CDH18: variants seen among roughly 807,000 people sequenced by gnomAD.
CDH18 encodes the protein cadherin 18, also known as cadherin-18.
CDH18 carries 31 observed loss-of-function variants against 67.9 expected under a neutral mutation model. The ratio of observed to expected loss-of-function variants is 0.46; its 90% confidence interval spans 0.34 to 0.62. CDH18 has a LOEUF of 0.62. Among genes scored for constraint, CDH18 ranks in the 20% least tolerant of loss-of-function variants. The pLI, the probability that CDH18 is intolerant of heterozygous loss-of-function variation, is 0.01. For missense variants in CDH18, 890 were observed against 975.5 expected, an observed-to-expected ratio of 0.91 and a Z score of 1.17; for synonymous variants, 362 against 347.2, an observed-to-expected ratio of 1.04 and a Z score of -0.48.
chr5:20,239,479 T>G (rs547642226), intron 2 of CDH18, among the ~76,000 whole-genome samples: 8 of 151,726 alleles, frequency 5.3e-5, no homozygotes, highest in Non-Finnish European at 5.9e-5. Flanking sequence ...ATTAAATAAA[T>G]AAAGAAGTTC....
intron 3 of CDH18, among the ~76,000 whole-genome samples, chr5:19,831,833 G>A (rs888315229): frequency 1.3e-5 from 2 of 152,006 alleles, no homozygotes; most frequent in African/African-American, 4.8e-5. Context: ...ATTCACAGTA[G>A]CAAAGACATG....
At chr5:20,518,963 GT>G (rs1755548014) in intron 1 of CDH18, among the ~76,000 whole-genome samples, 1 of 152,134 alleles carries the variant, frequency 6.6e-6, no homozygotes, top group African/African-American at 2.4e-5. Context: ...ACAGTTTAAA[GT>G]AGCATGGATA....
At chr5:19,543,838 A>C (rs1435270070) in intron 9 of CDH18, 31 bp downstream of exon 9, 14 of 1,496,632 alleles carry the variant, frequency 9.4e-6, no homozygotes, top group Non-Finnish European at 1.3e-5. Flanking sequence ...TACAAGTGAC[A>C]TCTTTTACTG....
At chr5:20,155,055 T>G (rs1272832983) in intron 2 of CDH18, among the ~76,000 whole-genome samples, 1 of 152,166 alleles carries the variant, frequency 6.6e-6, no homozygotes, top group Non-Finnish European at 1.5e-5. Context: ...GATGAGTTGA[T>G]TACCATAAGA....
At chr5:20,102,599 G>C (rs922500314) in intron 2 of CDH18, among the ~76,000 whole-genome samples, 64 of 152,204 alleles carry the variant, frequency 4.2e-4, no homozygotes, top group African/African-American at 1.4e-3. Context: ...CTGCGCAGAA[G>C]CTGGATCTGA....
At chr5:20,076,217 C>T (rs1743921083) in intron 2 of CDH18, among the ~76,000 whole-genome samples, 1 of 151,668 alleles carries the variant, frequency 6.6e-6, no homozygotes, top group Admixed American at 6.6e-5. Context: ...TAACACATAT[C>T]AGGTATATAG....
intron 5 of CDH18, among the ~76,000 whole-genome samples, chr5:19,625,248 C>T (rs1751356086): frequency 6.6e-6 from 1 of 151,938 alleles, no homozygotes; most frequent in Admixed American, 6.6e-5. Flanking sequence ...AATTCTACTG[C>T]CTTGTTTTGT....
chr5:20,374,021 A>C (rs901746193), intron 1 of CDH18, among the ~76,000 whole-genome samples: 2 of 152,102 alleles, frequency 1.3e-5, no homozygotes, highest in Non-Finnish European at 2.9e-5. Flanking sequence ...ACAGAACATA[A>C]CCCTACTCAT....
intron 2 of CDH18, among the ~76,000 whole-genome samples, chr5:20,196,490 C>A (rs1266450975): frequency 6.6e-6 from 1 of 152,156 alleles, no homozygotes; most frequent in Non-Finnish European, 1.5e-5. Context: ...TCTGCTTTAT[C>A]TTTCAAAAGT....
rs149664281 is a variant in CDH18 at position 20,276,266 on chromosome 5, C to G, written c.-579-20761G>C. ...ATCCCAGGGAGCGCAGCTCACAGCT[C>G]CAGGAGAGACTCCTCCCTTCAACTG... On this transcript the variant is annotated intron_variant, in intron 1 of 14. Transcript: ENST00000507958. 3.0e-4 allele frequency among the ~76,000 whole-genome samples: 45 copies of G among 152,232 alleles called. No individual in the cohort carries two copies. The East Asian group carries it at 8.6e-3, about 29-fold the overall frequency.
At chr5:19,962,132 C>G (rs1052439119) in intron 2 of CDH18, among the ~76,000 whole-genome samples, 2 of 151,658 alleles carry the variant, frequency 1.3e-5, no homozygotes, top group Non-Finnish European at 2.9e-5. Flanking sequence ...AGTATAATGT[C>G]TCTTCTTTAA....
Position 19,951,194 on chromosome 5 carries a change from A to G in CDH18, c.-257+29866T>C, listed in dbSNP as rs975425195. 4.6e-5 allele frequency among the ~76,000 whole-genome samples: 7 copies of G among 152,292 alleles called. No individual in the cohort carries two copies. The East Asian group carries it at 1.2e-3, about 25-fold the overall frequency. ...TGTCTGGCAATTGTTTGAGACCCAG[A>G]GTGTCATAATGCATCAGCTAAGTAT... On this transcript the variant is annotated intron_variant, in intron 2 of 12. Transcript: ENST00000382275.
chr5:20,532,393 T>A (rs1201405621), intron 1 of CDH18, among the ~76,000 whole-genome samples: 1 of 152,138 alleles, frequency 6.6e-6, no homozygotes, highest in Non-Finnish European at 1.5e-5. Flanking sequence ...GTCTCTTTTT[T>A]TCTCCTGTAC....
chr5:19,516,710 T>C (rs1041038439), intron 10 of CDH18, among the ~76,000 whole-genome samples: 19 of 152,184 alleles, frequency 1.2e-4, no homozygotes, highest in African/African-American at 4.1e-4. Flanking sequence ...TTTATCATTT[T>C]TTATTGTGTC....
chr5:20,052,037 G>T (rs1741469449), intron 2 of CDH18, among the ~76,000 whole-genome samples: 1 of 152,038 alleles, frequency 6.6e-6, no homozygotes, highest in Non-Finnish European at 1.5e-5. Flanking sequence ...TTTGTATAAT[G>T]CACACAGTAA....
intron 6 of CDH18, among the ~76,000 whole-genome samples, chr5:19,594,340 A>T (rs1440408772): frequency 6.6e-6 from 1 of 152,034 alleles, no homozygotes; most frequent in Non-Finnish European, 1.5e-5. Flanking sequence ...TTTAGTAGAG[A>T]CAGGGTTTCA....
chr5:20,522,094 T>C (rs1297277417), intron 1 of CDH18, among the ~76,000 whole-genome samples: 1 of 151,958 alleles, frequency 6.6e-6, no homozygotes, highest in Non-Finnish European at 1.5e-5. Flanking sequence ...AATTTGGCCA[T>C]ACAGAGAAAG....
rs1581008631 is a variant in CDH18, at chr5:20,443,419, A to C, written c.-580+132043T>G. Among the ~76,000 whole-genome samples, 4 of 151,664 alleles carry C rather than the reference A, an allele frequency of 2.6e-5. No homozygotes were observed. The South Asian group carries it at 8.3e-4, about 31-fold the overall frequency. On this transcript the variant is annotated intron_variant, in intron 1 of 14. Transcript: ENST00000507958. Reference sequence around the variant, plus strand: ...ATCAATGATGAATATTGGTCATTGCATGCTCCATGTATACTAATTGTGTAA... The same window carrying C: ...ATCAATGATGAATATTGGTCATTGCCTGCTCCATGTATACTAATTGTGTAA...
intron 5 of CDH18, among the ~76,000 whole-genome samples, chr5:19,665,152 C>CTA (rs1757732308): frequency 6.6e-6 from 1 of 151,830 alleles, no homozygotes; most frequent in Non-Finnish European, 1.5e-5. Context: ...ATGGTGATTA[C>CTA]TATATATTTA....
Sources: gnomAD v4.1 joint callset for allele counts (sites outside exome capture counted in the v4.1 genomes callset) on GRCh38, gnomAD v4.1.1 for gene constraint, MANE v1.5 for transcripts, NCBI Gene and HGNC (gene_info 2026-07-23, HGNC 2026-07-21) for gene names.